ALDH1L1: variants seen among roughly 807,000 people sequenced by gnomAD.
ALDH1L1 encodes aldehyde dehydrogenase 1 family member L1, also known as cytosolic 10-formyltetrahydrofolate dehydrogenase.
ALDH1L1 carries 68 observed loss-of-function variants against 101.1 expected under a neutral mutation model. The observed-to-expected ratio is 0.67, with a 90% CI of 0.55 to 0.82. The LOEUF is 0.82. ALDH1L1 is among the 40% of genes least tolerant of loss of function. ALDH1L1 has a pLI of 0.00. For missense variants in ALDH1L1, 1,087 were observed against 1,172.7 expected, an observed-to-expected ratio of 0.93 and a Z score of 1.07; for synonymous variants, 486 against 470.8, an observed-to-expected ratio of 1.03 and a Z score of -0.42.
At chr3:126,130,370 A>T in intron 13 of ALDH1L1, 77 bp from the exon 14 acceptor site, 2 of 1,324,796 alleles carry the variant, frequency 1.5e-6, no homozygotes, top group East Asian at 2.7e-5. Context: ...AGTCTCCACC[A>T]GGGTCTCCAG....
chr3:126,175,681 TA>T (rs1178746855), intron 1 of ALDH1L1, among the ~76,000 whole-genome samples: 3 of 152,156 alleles, frequency 2.0e-5, no homozygotes, highest in Non-Finnish European at 1.5e-5. Context: ...AAGCTAGTAA[TA>T]AATGGGAACT....
intron 1 of ALDH1L1, among the ~76,000 whole-genome samples, chr3:126,169,514 T>C (rs577094546): frequency 2.6e-5 from 4 of 152,328 alleles, no homozygotes; most frequent in Non-Finnish European, 5.9e-5. Flanking sequence ...CTTGGAAAAC[T>C]GGCCTCATAT....
intron 1 of ALDH1L1, among the ~76,000 whole-genome samples, chr3:126,174,158 C>T (rs540364024): frequency 1.9e-4 from 29 of 152,238 alleles, no homozygotes; most frequent in African/African-American, 6.7e-4. Flanking sequence ...CCTGCCTCAG[C>T]CGCCCGAGTA....
chr3:126,186,926 C>T (rs1576511275), intron 1 of ALDH1L1, among the ~76,000 whole-genome samples: 1 of 152,304 alleles, frequency 6.6e-6, no homozygotes, highest in East Asian at 1.9e-4. Context: ...TCAGCAGTAG[C>T]ACCAGCCGCC....
chr3:126,157,585 C>T (rs2080940741), intron 3 of ALDH1L1, 77 bp from the exon 4 acceptor site: 1 of 1,501,906 alleles, frequency 6.7e-7, no homozygotes, highest in Non-Finnish European at 9.0e-7. Context: ...GCCCGTGGAC[C>T]TGCCACCCTC....
chr3:126,106,832 T>C (rs560246993), intron 21 of ALDH1L1, among the ~76,000 whole-genome samples: 25 of 152,320 alleles, frequency 1.6e-4, no homozygotes, highest in Middle Eastern at 3.4e-3. Context: ...GGTGGTTTAA[T>C]GCATGGTAAC....
chr3:126,180,849 G>A (rs2081464061), upstream of ALDH1L1: 3 of 1,553,222 alleles, frequency 1.9e-6, no homozygotes, highest in Non-Finnish European at 2.6e-6. Context: ...CAAGCACCCA[G>A]CAGGGCTGGC....
intron 4 of ALDH1L1, chr3:126,155,738 T>C (rs1162194276): frequency 2.3e-6 from 1 of 434,078 alleles, no homozygotes; most frequent in East Asian, 4.1e-5. Context: ...ATTACATAGA[T>C]CTTACATCTT....
At position 126,107,163 on chromosome 3, in the gene ALDH1L1, T is replaced by A; in HGVS notation, c.2431A>T (p.Ile811Phe). ...TACCCATCAGCAAACCGAGAGATGA[T>A]CATGACAGGCCCGAAGGACTCCTCC... is the stretch of plus-strand genomic sequence containing the variant. ...AKEESFGPVM[I>F]ISRFADGDLD... The change falls in exon 21 of 23, where the codon ATC becomes TTC. Residue 811 changes from isoleucine (I) to phenylalanine (F), a missense_variant. Ile to Phe is a conservative substitution (Grantham distance 21). Transcript: ENST00000393434. 7 of 1,614,132 alleles carry A rather than the reference T, an allele frequency of 4.3e-6. No individual in the cohort carries two copies. The highest frequency in any genetic ancestry group is 5.1e-6 in the Non-Finnish European group (6 of 1,179,988).
In ALDH1L1 at chr3:126,160,941, C is replaced by T. The variant is rs768442454; in HGVS notation, c.39G>A (p.Gln13=). 4.3e-6 allele frequency: 7 copies of T among 1,614,284 alleles called. No homozygotes were observed. Among genetic ancestry groups the T allele is most frequent in the Non-Finnish European group, 5.1e-6 (6 of 1,180,050 alleles). ...CCTTCCTCAGGTGGCAGTAAACTTC[C>T]TGGCCAAACAGGCTCTGTCCAATCA... ...IAVIGQSLFG[Q]EVYCHLRKEG... The change falls in exon 2 of 23, where the codon CAG becomes CAA. Residue 13 remains glutamine (Q), a synonymous_variant. Coordinates refer to ENST00000393434, the MANE Select transcript of ALDH1L1 (RefSeq NM_012190.4).
intron 14 of ALDH1L1, among the ~76,000 whole-genome samples, chr3:126,125,999 C>A (rs1400141805): frequency 6.6e-6 from 1 of 152,156 alleles, no homozygotes; most frequent in Non-Finnish European, 1.5e-5. Flanking sequence ...CTGTCTGGGG[C>A]ACAGGCAATG....
At chr3:126,187,354 G>A (rs568080589) in intron 1 of ALDH1L1, among the ~76,000 whole-genome samples, 46 of 152,150 alleles carry the variant, frequency 3.0e-4, no homozygotes, top group Non-Finnish European at 5.3e-4. Context: ...GGATGGATGG[G>A]TGGGTAGCTA....
intron 19 of ALDH1L1, among the ~76,000 whole-genome samples, chr3:126,112,373 C>G (rs1000006942): frequency 3.9e-5 from 6 of 152,148 alleles, no homozygotes; most frequent in Non-Finnish European, 7.4e-5. Flanking sequence ...CTCCAGGGCC[C>G]CTGTCCATGG....
At chr3:126,141,890 C>G (rs530216705) in intron 9 of ALDH1L1, among the ~76,000 whole-genome samples, 114 of 151,266 alleles carry the variant, frequency 7.5e-4, no homozygotes, top group Non-Finnish European at 1.4e-3. Context: ...GAAAAAAAAA[C>G]AGCAAATCAA....
intron 21 of ALDH1L1, among the ~76,000 whole-genome samples, chr3:126,106,236 C>T (rs1020943610): frequency 2.6e-5 from 4 of 152,152 alleles, no homozygotes; most frequent in East Asian, 1.9e-4. Flanking sequence ...CACATGTGCC[C>T]GCCGCAGGTT....
intron 20 of ALDH1L1, among the ~76,000 whole-genome samples, chr3:126,109,375 T>C (rs950535161): frequency 1.3e-5 from 2 of 152,092 alleles, no homozygotes; most frequent in African/African-American, 4.8e-5. Flanking sequence ...GACATTGCAA[T>C]GACCTTTGAG....
upstream of ALDH1L1, among the ~76,000 whole-genome samples, chr3:126,184,124 G>A (rs1162356502): frequency 6.6e-6 from 1 of 152,208 alleles, no homozygotes; most frequent in African/African-American, 2.4e-5. Flanking sequence ...TCATAGACCA[G>A]AGAGAGAAGC....
chr3:126,110,054 T>A lies in ALDH1L1; in HGVS notation c.2237A>T (p.His746Leu). Residue 746 changes from histidine to leucine, a missense_variant, in exon 20 of 23, where the codon CAC becomes CTC. Coordinates refer to ENST00000393434, the MANE Select transcript of ALDH1L1 (RefSeq NM_012190.4). ...GTGGGCATGGTGATTCTGCGGCCCG[T>A]GGTCGGTGTCCCTGTCCAGCGGGTT... ...VGNPLDRDTD[H>L]GPQNHHAHLV... 6.2e-7 allele frequency: 1 copy of A among 1,614,202 alleles called. No homozygotes were observed. Among genetic ancestry groups the A allele is most frequent in the Non-Finnish European group, 8.5e-7 (1 of 1,180,026 alleles).
intron 19 of ALDH1L1, 116 bp downstream of exon 19, chr3:126,112,666 C>A (rs1946116198): frequency 3.1e-6 from 3 of 968,566 alleles, no homozygotes; most frequent in Non-Finnish European, 4.8e-6. Context: ...GGAGTGTCCT[C>A]CAGGAGGAGC....
Sources: gnomAD v4.1 joint callset for allele counts (sites outside exome capture counted in the v4.1 genomes callset) on GRCh38, gnomAD v4.1.1 for gene constraint, MANE v1.5 for transcripts, NCBI Gene and HGNC (gene_info 2026-07-23, HGNC 2026-07-21) for gene names.